The following ZMPSTE24 variants were observed in gnomAD, a reference collection of about 807,000 sequenced individuals.
ZMPSTE24 encodes the protein CAAX prenyl protease 1 homolog.
Under a neutral mutation model 56.7 loss-of-function variants are expected in ZMPSTE24, and 48 were observed. That is an observed-to-expected ratio of 0.85 (90% CI 0.67 to 1.08). The LOEUF (loss-of-function observed/expected upper bound fraction) is 1.08, where lower values mean the gene tolerates loss of function less well. Among genes scored for constraint, ZMPSTE24 ranks in the 50% least tolerant of loss-of-function variants. ZMPSTE24 has a pLI of 0.00. For missense variants in ZMPSTE24, 503 were observed against 548.7 expected, an observed-to-expected ratio of 0.92 and a Z score of 0.83; for synonymous variants, 172 against 195.2, an observed-to-expected ratio of 0.88 and a Z score of 0.99.
intron 6 of ZMPSTE24, among the ~76,000 whole-genome samples, chr1:40,272,550 G>A (rs1183155796): frequency 1.3e-5 from 2 of 152,190 alleles, no homozygotes; most frequent in African/African-American, 4.8e-5. Context: ...GTACCACTGA[G>A]TACTGCAGAT....
chr1:40,270,026 T>G lies in ZMPSTE24; in HGVS notation c.526T>G (p.Cys176Gly), dbSNP rs1203999763. 6.2e-7 allele frequency: 1 copy of G among 1,613,820 alleles called. No individual in the cohort carries two copies. Among genetic ancestry groups the G allele is most frequent in the African/African-American group, 1.3e-5 (1 of 74,940 alleles). Residue 176 changes from cysteine to glycine, a missense_variant, in exon 5 of 10, where the codon TGT becomes GGT. Cys to Gly is a radical substitution (Grantham distance 159, BLOSUM62 -3). Coordinates refer to ENST00000372759, the MANE Select transcript of ZMPSTE24 (RefSeq NM_005857.5). ...DAIKKFVVTQ[C>G]ILLPVSSLLL... Reference sequence around the variant, plus strand: ...AATCAAGAAATTTGTTGTGACTCAGTGTATTTTGTTGCCTGTGTCTTCACT... The same window carrying G: ...AATCAAGAAATTTGTTGTGACTCAGGGTATTTTGTTGCCTGTGTCTTCACT...
At chr1:40,286,192 G>T (rs1013877997) in intron 8 of ZMPSTE24, among the ~76,000 whole-genome samples, 163 bp downstream of exon 8, 1 of 152,158 alleles carries the variant, frequency 6.6e-6, no homozygotes, top group African/African-American at 2.4e-5. Context: ...CCTCAGGCAA[G>T]TTCCTTAACC....
chr1:40,259,132 T>A (rs374012231), intron 1 of ZMPSTE24, among the ~76,000 whole-genome samples: 1 of 152,106 alleles, frequency 6.6e-6, no homozygotes. Flanking sequence ...CACTCCAGCC[T>A]GGGCGACAAG....
At chr1:40,282,562 G>C (rs553208543) in intron 7 of ZMPSTE24, among the ~76,000 whole-genome samples, 7 of 152,196 alleles carry the variant, frequency 4.6e-5, no homozygotes, top group Non-Finnish European at 8.8e-5. Flanking sequence ...CAGGCTGGTC[G>C]AACTGCTGGC....
At chr1:40,271,464 G>A (rs1643613301) in intron 5 of ZMPSTE24, among the ~76,000 whole-genome samples, 1 of 152,180 alleles carries the variant, frequency 6.6e-6, no homozygotes, top group South Asian at 2.1e-4. Flanking sequence ...AGCCAACCAA[G>A]TAACAGCACA....
At position 40,281,532 on chromosome 1, in the gene ZMPSTE24, G is replaced by C. The variant is rs1193485667; in HGVS notation, c.954+5G>C. On this transcript the variant is annotated splice_donor_5th_base_variant and intron_variant, in intron 7 of 9. Transcript: ENST00000372759. ...GAAATAAAAGCTAAAGTTAAAGTGA[G>C]TTATTTTTTCCTAAGAGATTCTACC... The C allele has an allele frequency of 1.9e-6, 3 of 1,613,438 alleles. No homozygotes were observed. The highest frequency in any genetic ancestry group is 1.7e-6 in the Non-Finnish European group (2 of 1,179,560).
At chr1:40,263,113 A>T in intron 2 of ZMPSTE24, 2 of 476,886 alleles carry the variant, frequency 4.2e-6, no homozygotes, top group Non-Finnish European at 5.5e-6. Flanking sequence ...TAGTGCCAGG[A>T]AAGATAGACA....
chr1:40,273,538 ATATATATATATATATAT>A lies in ZMPSTE24; in HGVS notation c.769+1504_769+1520del, dbSNP rs1557776788. On this transcript the variant is annotated intron_variant, in intron 6 of 9. Coordinates refer to ENST00000372759, the MANE Select transcript of ZMPSTE24 (RefSeq NM_005857.5). ...GTCTAAAAAAAAAAAAAAAAAAAAA[ATATATATATATATATAT>A]ATATATATATATATGTCAGACATTT... 2.0e-3 allele frequency among the ~76,000 whole-genome samples: 34 copies of A among 17,358 alleles called. 1 individual carries two copies. The East Asian group carries it at 0.048, about 24-fold the overall frequency. The allele number at this position is 17,358 out of a possible 152,430, so 11.4% of individuals were successfully genotyped here.
intron 8 of ZMPSTE24, among the ~76,000 whole-genome samples, chr1:40,290,450 ATTTTTTTTTTTTT>A (rs996301433): frequency 1.2e-5 from 1 of 82,578 alleles, no homozygotes; most frequent in Non-Finnish European, 2.2e-5. Flanking sequence ...CACACTATGA[ATTTTTTTTTTTTT>A]TTTTTTTTTT....
chr1:40,273,872 T>C (rs1474516857), intron 6 of ZMPSTE24, among the ~76,000 whole-genome samples: 3 of 151,974 alleles, frequency 2.0e-5, no homozygotes, highest in Non-Finnish European at 4.4e-5. Context: ...GTCAATAGAA[T>C]ATGTGAAATA....
chr1:40,271,793 T>G (rs2124583067), intron 5 of ZMPSTE24, 101 bp from the exon 6 acceptor site: 1 of 1,342,020 alleles, frequency 7.5e-7, no homozygotes, highest in East Asian at 2.6e-5. Flanking sequence ...TTCTCAAGTT[T>G]GAGGTCAACA....
intron 6 of ZMPSTE24, among the ~76,000 whole-genome samples, chr1:40,278,663 T>TA (rs2124588178): frequency 6.6e-6 from 1 of 151,076 alleles, no homozygotes; most frequent in South Asian, 2.1e-4. Flanking sequence ...AACTAAAGCT[T>TA]AAAGAAATTA....
intron 9 of ZMPSTE24, 39 bp downstream of exon 9, chr1:40,291,036 T>TG (rs1160323370): frequency 6.2e-7 from 1 of 1,608,952 alleles, no homozygotes; most frequent in African/African-American, 1.3e-5. Flanking sequence ...CATATGCTCT[T>TG]GCCTGCTTCA....
chr1:40,281,899 C>T (rs61779105), intron 7 of ZMPSTE24, among the ~76,000 whole-genome samples: 7,444 of 152,022 alleles, frequency 0.049, 524 homozygotes, highest in African/African-American at 0.16. Context: ...AGAAGATAAA[C>T]ATCTAATTTT....
At chr1:40,288,101 CCA>C (rs1199061073) in intron 8 of ZMPSTE24, among the ~76,000 whole-genome samples, 1 of 152,062 alleles carries the variant, frequency 6.6e-6, no homozygotes, top group Non-Finnish European at 1.5e-5. Flanking sequence ...TGGCTTGAGT[CCA>C]GGAGATCAAG....
chr1:40,289,807 G>T (rs1228165675), intron 8 of ZMPSTE24, among the ~76,000 whole-genome samples: 1 of 152,034 alleles, frequency 6.6e-6, no homozygotes, highest in Non-Finnish European at 1.5e-5. Context: ...CTAACTATCT[G>T]GTACAGCTCC....
rs374249092 is a variant in ZMPSTE24 at position 40,292,707 on chromosome 1, T to C, written c.*38T>C. ...CTGTGACTGAAGACATTTCTGATTA[T>C]TTCTGTCCTGGCAGCATGTTCCAGC... is the stretch of plus-strand genomic sequence containing the variant. On this transcript the variant is annotated 3_prime_UTR_variant, in exon 10 of 10. Coordinates refer to ENST00000372759, the MANE Select transcript of ZMPSTE24 (RefSeq NM_005857.5). 44 of 1,588,570 alleles carry C rather than the reference T, an allele frequency of 2.8e-5. No individual in the cohort carries two copies. Among genetic ancestry groups the C allele is most frequent in the Non-Finnish European group, 2.8e-5 (32 of 1,157,608 alleles).
intron 6 of ZMPSTE24, among the ~76,000 whole-genome samples, chr1:40,280,470 G>A (rs1488526168): frequency 5.3e-5 from 8 of 151,842 alleles, no homozygotes; most frequent in Non-Finnish European, 1.2e-4. Context: ...TGTTGCCTAG[G>A]CTGGAGTGCA....
At chr1:40,267,332 G>GTTATTTTATT (rs71060361) in intron 2 of ZMPSTE24, among the ~76,000 whole-genome samples, 2,842 of 137,458 alleles carry the variant, frequency 0.021, 104 homozygotes, top group African/African-American at 0.058. Context: ...ATTTTATTTT[G>GTTATTTTATT]TTATTTTATT....
Sources: gnomAD v4.1 joint callset for allele counts (sites outside exome capture counted in the v4.1 genomes callset) on GRCh38, gnomAD v4.1.1 for gene constraint, MANE v1.5 for transcripts, NCBI Gene and HGNC (gene_info 2026-07-23, HGNC 2026-07-21) for gene names.